The following ADGRL2 variants were observed in gnomAD, a reference collection of about 807,000 sequenced individuals.
ADGRL2 encodes adhesion G protein-coupled receptor L2, also known as calcium-independent alpha-latrotoxin receptor 2.
A neutral mutation model predicts 157.4 loss-of-function variants in ADGRL2; 44 were observed. The observed-to-expected ratio is 0.28, with a 90% CI of 0.22 to 0.36. The LOEUF is 0.36. ADGRL2 is among the 10% of genes least tolerant of loss of function. The pLI, the probability that ADGRL2 is intolerant of heterozygous loss-of-function variation, is 1.00. For missense variants in ADGRL2, 1,510 were observed against 1,768.9 expected (o/e 0.85, Z 2.63); for synonymous variants, 585 against 624.7 (o/e 0.94, Z 0.95).
chr1:81,459,796 ATATATG>A (rs970528463), intron 2 of ADGRL2, among the ~76,000 whole-genome samples: 20 of 132,902 alleles, frequency 1.5e-4, no homozygotes, highest in African/African-American at 3.8e-4. Flanking sequence ...GTGTATATAT[ATATATG>A]TATGTGTTTG....
intron 1 of ADGRL2, among the ~76,000 whole-genome samples, chr1:81,732,363 C>T (rs1248185728): frequency 6.6e-6 from 1 of 152,102 alleles, no homozygotes; most frequent in African/African-American, 2.4e-5. Context: ...ACTACATATG[C>T]TTTTTAAACT....
intron 2 of ADGRL2, among the ~76,000 whole-genome samples, chr1:81,862,235 T>C (rs547206122): frequency 1.6e-4 from 25 of 152,210 alleles, no homozygotes; most frequent in Admixed American, 1.5e-3. Context: ...ACTTCCTAAA[T>C]TTCAAAAATA....
intron 1 of ADGRL2, among the ~76,000 whole-genome samples, chr1:81,736,674 A>G (rs2149204178): frequency 6.6e-6 from 1 of 152,128 alleles, no homozygotes; most frequent in African/African-American, 2.4e-5. Context: ...TTGCTTCTTT[A>G]ATGTTTTTGA....
intron 1 of ADGRL2, among the ~76,000 whole-genome samples, chr1:81,712,016 C>T (rs577199628): frequency 3.9e-5 from 6 of 152,220 alleles, no homozygotes; most frequent in East Asian, 1.9e-4. Flanking sequence ...CCCAAGTGTC[C>T]GCCAAGTAGA....
At chr1:81,817,091 A>T (rs973938337) in intron 1 of ADGRL2, among the ~76,000 whole-genome samples, 1 of 151,640 alleles carries the variant, frequency 6.6e-6, no homozygotes, top group African/African-American at 2.4e-5. Context: ...TTCACCCCTC[A>T]CACTTCTCCC....
intron 1 of ADGRL2, among the ~76,000 whole-genome samples, chr1:81,374,777 G>A (rs2076220977): frequency 6.6e-6 from 1 of 152,106 alleles, no homozygotes; most frequent in African/African-American, 2.4e-5. Context: ...AACAATTTAG[G>A]ATCCTGGGAT....
At position 81,322,293 on chromosome 1, in the gene ADGRL2, G is replaced by A. The variant is rs111404602; in HGVS notation, c.-302+15784G>A. ...TTTCTGCCTTTGGCCCTTGCTTTTT[G>A]TACATTGAATGTGATCAAAGTAAAT... is the stretch of plus-strand genomic sequence containing the variant. On this transcript the variant is annotated intron_variant, in intron 1 of 24. Transcript: ENST00000370721. 2.5e-3 allele frequency among the ~76,000 whole-genome samples: 376 copies of A among 151,486 alleles called. 3 individuals carry two copies. Among genetic ancestry groups the A allele is most frequent in the African/African-American group, 8.6e-3 (356 of 41,268 alleles).
chr1:81,612,390 C>A (rs530031493), intron 3 of ADGRL2, among the ~76,000 whole-genome samples: 1 of 152,218 alleles, frequency 6.6e-6, no homozygotes, highest in South Asian at 2.1e-4. Flanking sequence ...AAAAAGAAAA[C>A]CTTGATAGGT....
chr1:81,984,647 G>A lies in ADGRL2; in HGVS notation c.3347G>A (p.Ser1116Asn), dbSNP rs1239818162. The A allele has an allele frequency of 1.2e-6, 2 of 1,612,972 alleles. No homozygotes were observed. Among genetic ancestry groups the A allele is most frequent in the East Asian group, 2.2e-5 (1 of 44,840 alleles). Residue 1116 changes from serine (S) to asparagine (N), a missense_variant, in exon 20 of 24, where the codon AGT (serine) becomes AAT (asparagine). By Grantham distance (46) the Ser-to-Asn change is conservative (BLOSUM62 1). Transcript: ENST00000686636. ...SYCCGGLPTESPHSSVKASTT... is the reference protein window; with the variant it reads ...SYCCGGLPTENPHSSVKASTT... Reference sequence around the variant, plus strand: ...TGCTGTGGAGGCCTCCCAACTGAGAGTCCCCACAGTTCAGTGAAGGCATCA... The same window carrying A: ...TGCTGTGGAGGCCTCCCAACTGAGAATCCCCACAGTTCAGTGAAGGCATCA...
At chr1:81,761,354 T>A (rs1165451324) in intron 1 of ADGRL2, among the ~76,000 whole-genome samples, 1 of 152,008 alleles carries the variant, frequency 6.6e-6, no homozygotes, top group East Asian at 1.9e-4. Flanking sequence ...AGAGATATGA[T>A]CTCAGCGTAT....
intron 2 of ADGRL2, among the ~76,000 whole-genome samples, chr1:81,770,698 C>T (rs909906259): frequency 6.6e-6 from 1 of 151,136 alleles, no homozygotes; most frequent in Non-Finnish European, 1.5e-5. Flanking sequence ...GTCTCAAACT[C>T]CTGACCTCAG....
chr1:81,471,247 C>G (rs2101867566), intron 2 of ADGRL2, among the ~76,000 whole-genome samples: 1 of 152,236 alleles, frequency 6.6e-6, no homozygotes, highest in East Asian at 1.9e-4. Context: ...TTTCTTCAGA[C>G]CACCACAAAT....
intron 2 of ADGRL2, among the ~76,000 whole-genome samples, chr1:81,843,914 T>G (rs1052227567): frequency 6.6e-6 from 1 of 152,174 alleles, no homozygotes; most frequent in Non-Finnish European, 1.5e-5. Flanking sequence ...TTGCCTCTTT[T>G]TCATTTGTGG....
At chr1:81,571,391 G>A (rs1349755774) in intron 2 of ADGRL2, among the ~76,000 whole-genome samples, 2 of 146,758 alleles carry the variant, frequency 1.4e-5, no homozygotes, top group African/African-American at 2.5e-5. Flanking sequence ...GTATATATAT[G>A]TGTATGTATA....
At chr1:81,612,636 A>G (rs1055641166) in intron 3 of ADGRL2, among the ~76,000 whole-genome samples, 2 of 152,034 alleles carry the variant, frequency 1.3e-5, no homozygotes, top group Non-Finnish European at 2.9e-5. Context: ...GTGGAACCCT[A>G]TGGATATAGT....
chr1:81,335,508 G>T (rs1413328733), intron 1 of ADGRL2, among the ~76,000 whole-genome samples: 1 of 152,080 alleles, frequency 6.6e-6, no homozygotes, highest in Non-Finnish European at 1.5e-5. Context: ...TGTGATTCTT[G>T]TTCACAAAAA....
intron 2 of ADGRL2, chr1:81,505,057 C>T (rs569363412): frequency 1.0e-5 from 4 of 399,580 alleles, no homozygotes; most frequent in Admixed American, 7.9e-5. Flanking sequence ...GTGTGTGTGG[C>T]GGCGTGGCTC....
intron 2 of ADGRL2, among the ~76,000 whole-genome samples, chr1:81,564,372 G>A (rs1348634562): frequency 6.6e-6 from 1 of 152,204 alleles, no homozygotes; most frequent in Non-Finnish European, 1.5e-5. Context: ...GAGGGTTGTA[G>A]TTATCGCAAG....
At chr1:81,368,845 CA>C (rs2076112008) in intron 1 of ADGRL2, among the ~76,000 whole-genome samples, 1 of 152,118 alleles carries the variant, frequency 6.6e-6, no homozygotes, top group Non-Finnish European at 1.5e-5. Context: ...TGTGTTCACT[CA>C]CATCTCCACA....
Sources: gnomAD v4.1 joint callset for allele counts (sites outside exome capture counted in the v4.1 genomes callset) on GRCh38, gnomAD v4.1.1 for gene constraint, MANE v1.5 for transcripts, NCBI Gene and HGNC (gene_info 2026-07-23, HGNC 2026-07-21) for gene names.